LIN52: variants seen among roughly 807,000 people sequenced by gnomAD.
The protein encoded by LIN52 is lin-52 DREAM MuvB core complex component, also known as protein lin-52 homolog.
Under a neutral mutation model 18.5 loss-of-function variants are expected in LIN52, and 4 were observed. The ratio of observed to expected loss-of-function variants is 0.22; its 90% confidence interval spans 0.11 to 0.49. LIN52 has a LOEUF of 0.49. Ranked by LOEUF, LIN52 falls within the 20% of genes least tolerant of loss-of-function variation. The pLI, the probability that LIN52 is intolerant of heterozygous loss-of-function variation, is 0.97. For missense variants in LIN52, 102 were observed against 139.5 expected, an observed-to-expected ratio of 0.73 and a Z score of 1.35; for synonymous variants, 34 against 45.5, an observed-to-expected ratio of 0.75 and a Z score of 1.02.
chr14:74,103,177 C>T (rs2139883790), intron 5 of LIN52, among the ~76,000 whole-genome samples: 2 of 152,154 alleles, frequency 1.3e-5, no homozygotes, highest in Admixed American at 1.3e-4. Context: ...CTCTTGGGTT[C>T]AAGTGATTTT....
chr14:74,093,366 C>T (rs2139854066), intron 2 of LIN52, among the ~76,000 whole-genome samples: 1 of 148,532 alleles, frequency 6.7e-6, no homozygotes, highest in Non-Finnish European at 1.5e-5. Flanking sequence ...CTCTTGTTCC[C>T]CAGGCTGTGC....
intron 5 of LIN52, among the ~76,000 whole-genome samples, chr14:74,170,969 C>A (rs1346866578): frequency 6.6e-6 from 1 of 150,594 alleles, no homozygotes; most frequent in African/African-American, 2.5e-5. Flanking sequence ...TTGCTTGAGC[C>A]CAGGAGTTTG....
chr14:74,152,431 G>C (rs1395586550), intron 5 of LIN52, among the ~76,000 whole-genome samples: 1 of 152,040 alleles, frequency 6.6e-6, no homozygotes, highest in East Asian at 1.9e-4. Flanking sequence ...ATCATTATGA[G>C]TACCTACTAA....
At chr14:74,125,007 G>A (rs1566855086) in intron 5 of LIN52, among the ~76,000 whole-genome samples, 1 of 152,076 alleles carries the variant, frequency 6.6e-6, no homozygotes, top group Non-Finnish European at 1.5e-5. Context: ...GAAAAGTTTT[G>A]CAAATTATAT....
In LIN52 at chr14:74,200,414, G is replaced by GAAAAAAAAAAAAAAAAAAAAAAAA. The variant is rs59209603; in HGVS notation, c.*1443_*1466dup. The GAAAAAAAAAAAAAAAAAAAAAAAA allele has an allele frequency of 1.1e-5, 1 of 90,284 alleles. No homozygotes were observed. Among genetic ancestry groups the GAAAAAAAAAAAAAAAAAAAAAAAA allele is most frequent in the East Asian group, 5.1e-4 (1 of 1,954 alleles). The allele number at this position is 90,284 out of a possible 1,614,324, so 5.6% of individuals were successfully genotyped here. ...GGCAACAGAGTGAGACTCTGTCTCA[G>GAAAAAAAAAAAAAAAAAAAAAAAA]AAAAAAAAAAAAAAAAAAAAAAAAA... On this transcript the variant is annotated 3_prime_UTR_variant, in exon 6 of 6. Transcript: ENST00000555028.
chr14:74,160,616 A>G (rs2061220026), intron 5 of LIN52, among the ~76,000 whole-genome samples: 1 of 152,260 alleles, frequency 6.6e-6, no homozygotes, highest in South Asian at 2.1e-4. Context: ...TAAGTCTTCT[A>G]CAGTTTAGGC....
chr14:74,097,999 A>C (rs2060826786), intron 4 of LIN52, 139 bp downstream of exon 4: 1 of 622,824 alleles, frequency 1.6e-6, no homozygotes, highest in Non-Finnish European at 2.8e-6. Context: ...GTAGTTTTTC[A>C]TGTCTGCAAT....
At chr14:74,161,483 G>C (rs748685424) in intron 5 of LIN52, among the ~76,000 whole-genome samples, 3 of 152,084 alleles carry the variant, frequency 2.0e-5, no homozygotes, top group Non-Finnish European at 2.9e-5. Context: ...CACCGTGCCC[G>C]GTCTGAACAG....
chr14:74,123,213 G>A (rs2061009525), intron 5 of LIN52, among the ~76,000 whole-genome samples: 1 of 152,180 alleles, frequency 6.6e-6, no homozygotes, highest in Non-Finnish European at 1.5e-5. Flanking sequence ...AATAGCAACA[G>A]GGAGATGAGT....
At chr14:74,154,176 A>G (rs115881318) in intron 5 of LIN52, among the ~76,000 whole-genome samples, 2,071 of 150,924 alleles carry the variant, frequency 0.014, 41 homozygotes, top group African/African-American at 0.048. Context: ...TTTAGTTGTC[A>G]TGTCTCCTTA....
chr14:74,085,251 A>AG (rs1595139524), intron 1 of LIN52: 18 of 371,446 alleles, frequency 4.8e-5, no homozygotes, highest in Middle Eastern at 6.7e-4. Flanking sequence ...GTAAAAGGAC[A>AG]GGGGGGTCGC....
At chr14:74,097,114 C>T (rs1435809267) in intron 3 of LIN52, among the ~76,000 whole-genome samples, 4 of 152,154 alleles carry the variant, frequency 2.6e-5, no homozygotes, top group African/African-American at 4.8e-5. Context: ...TTGAATCTCC[C>T]GTATGCCAGA....
chr14:74,140,244 A>G (rs1170496551), intron 5 of LIN52, among the ~76,000 whole-genome samples: 1 of 152,176 alleles, frequency 6.6e-6, no homozygotes, highest in Non-Finnish European at 1.5e-5. Context: ...CACTTTGTCT[A>G]CTGCAGAATG....
At chr14:74,113,217 C>A (rs977207637) in intron 5 of LIN52, among the ~76,000 whole-genome samples, 1 of 152,136 alleles carries the variant, frequency 6.6e-6, no homozygotes, top group East Asian at 1.9e-4. Flanking sequence ...CATGGTGAAA[C>A]CCCGCCTCTA....
At chr14:74,191,913 G>A (rs922832049) in intron 5 of LIN52, among the ~76,000 whole-genome samples, 1 of 152,136 alleles carries the variant, frequency 6.6e-6, no homozygotes, top group African/African-American at 2.4e-5. Flanking sequence ...GGGATTACAG[G>A]CGTGAGCCAC....
chr14:74,184,428 C>T (rs959698291), intron 5 of LIN52, among the ~76,000 whole-genome samples: 3 of 152,192 alleles, frequency 2.0e-5, no homozygotes, highest in African/African-American at 7.2e-5. Flanking sequence ...TCTTCTTTCC[C>T]GCCAAATTTC....
intron 5 of LIN52, among the ~76,000 whole-genome samples, chr14:74,154,163 A>G (rs1419705174): frequency 2.0e-5 from 3 of 151,150 alleles, no homozygotes; most frequent in African/African-American, 7.3e-5. Flanking sequence ...ATACTGTATT[A>G]CATTTAGTTG....
chr14:74,111,135 G>A (rs183940334), intron 5 of LIN52, among the ~76,000 whole-genome samples: 12 of 152,254 alleles, frequency 7.9e-5, no homozygotes, highest in African/African-American at 2.9e-4. Context: ...ACTAGCCTGT[G>A]GTACTAGACT....
intron 5 of LIN52, among the ~76,000 whole-genome samples, chr14:74,146,684 A>C (rs1160625961): frequency 6.6e-6 from 1 of 152,218 alleles, no homozygotes; most frequent in Non-Finnish European, 1.5e-5. Context: ...TAATCCTAAA[A>C]ATCACATGGA....
Sources: allele counts gnomAD v4.1 joint callset (sites outside exome capture counted in the v4.1 genomes callset), GRCh38; gene constraint gnomAD v4.1.1; transcripts MANE v1.5; gene names NCBI Gene and HGNC (gene_info 2026-07-23, HGNC 2026-07-21).